FAM110B: variants seen among roughly 807,000 people sequenced by gnomAD.
The protein encoded by FAM110B is family with sequence similarity 110 member B.
A neutral mutation model predicts 20.4 loss-of-function variants in FAM110B; 6 were observed. That is an observed-to-expected ratio of 0.29 (90% CI 0.16 to 0.58). FAM110B has a LOEUF of 0.58. Among genes scored for constraint, FAM110B ranks in the 20% least tolerant of loss-of-function variants. FAM110B has a pLI of 0.90. For synonymous variants in FAM110B, 226 were observed against 214.1 expected (o/e 1.06, Z -0.49); for missense variants, 434 against 498.2 (o/e 0.87, Z 1.23).
At chr8:58,108,721 G>A (rs1806980378) in intron 3 of FAM110B, among the ~76,000 whole-genome samples, 3 of 152,196 alleles carry the variant, frequency 2.0e-5, no homozygotes, top group Admixed American at 1.3e-4. Context: ...CATATTCATG[G>A]GTTATGACTG....
intron 1 of FAM110B, among the ~76,000 whole-genome samples, chr8:58,028,248 C>A (rs558076210): frequency 1.1e-4 from 16 of 152,168 alleles, no homozygotes; most frequent in Non-Finnish European, 1.6e-4. Flanking sequence ...GGATTACAGG[C>A]GCCTGCCACC....
At chr8:58,068,465 C>T (rs1278139519) in intron 2 of FAM110B, among the ~76,000 whole-genome samples, 3 of 152,116 alleles carry the variant, frequency 2.0e-5, no homozygotes, top group African/African-American at 7.2e-5. Flanking sequence ...GTTTGTGGTA[C>T]ACAAAGATTG....
At chr8:58,035,404 CTTGGTATATTAGAGAA>C (rs1805057254) in intron 2 of FAM110B, among the ~76,000 whole-genome samples, 1 of 152,156 alleles carries the variant, frequency 6.6e-6, no homozygotes, top group Admixed American at 6.5e-5. Flanking sequence ...CATTTGAATC[CTTGGTATATTAGAGAA>C]TTTTCTTACC....
rs900035240 is a variant in FAM110B, at chr8:58,086,771, C to G, written c.-325+11148C>G. 3.3e-5 allele frequency among the ~76,000 whole-genome samples: 5 copies of G among 152,300 alleles called. No homozygotes were observed. The South Asian group carries it at 1.0e-3, about 32-fold the overall frequency. ...TGATGGATGGTGATGCTTTAAGGGT[C>G]CATTTCAATAGAGGTATATTTCCCC... is the stretch of plus-strand genomic sequence containing the variant. On this transcript the variant is annotated intron_variant, in intron 3 of 3. Transcript: ENST00000519262.
intron 2 of FAM110B, among the ~76,000 whole-genome samples, chr8:58,032,956 T>C (rs576955491): frequency 6.6e-6 from 1 of 152,360 alleles, no homozygotes; most frequent in Non-Finnish European, 1.5e-5. Context: ...TACAGGTTTG[T>C]TACATGAGTA....
At chr8:58,097,498 T>C (rs913085018) in intron 3 of FAM110B, among the ~76,000 whole-genome samples, 15 of 152,356 alleles carry the variant, frequency 9.8e-5, no homozygotes, top group Non-Finnish European at 1.9e-4. Flanking sequence ...CATGCTCCTT[T>C]AGCTTGGAGG....
intron 3 of FAM110B, among the ~76,000 whole-genome samples, chr8:58,075,873 C>T (rs1461128875): frequency 6.6e-6 from 1 of 152,234 alleles, no homozygotes; most frequent in East Asian, 1.9e-4. Context: ...ACACCTTCTA[C>T]ATATCAGCTA....
At chr8:58,049,851 A>G (rs1805404864) in intron 2 of FAM110B, among the ~76,000 whole-genome samples, 1 of 152,230 alleles carries the variant, frequency 6.6e-6, no homozygotes, top group African/African-American at 2.4e-5. Flanking sequence ...TTTTCTTGTA[A>G]TAATCTACTG....
intron 3 of FAM110B, among the ~76,000 whole-genome samples, chr8:58,078,243 A>G (rs2150594994): frequency 6.6e-6 from 1 of 152,328 alleles, no homozygotes; most frequent in Non-Finnish European, 1.5e-5. Flanking sequence ...TGTTTAAGGA[A>G]ACTAAAAGGC....
intron 2 of FAM110B, among the ~76,000 whole-genome samples, chr8:58,059,227 AAT>A (rs1238478841): frequency 6.6e-6 from 1 of 152,202 alleles, no homozygotes; most frequent in African/African-American, 2.4e-5. Flanking sequence ...GTACAGTTTG[AAT>A]AAAGTTGCTG....
chr8:58,026,329 A>G (rs1217374798), intron 1 of FAM110B, among the ~76,000 whole-genome samples: 1 of 147,102 alleles, frequency 6.8e-6, no homozygotes, highest in Non-Finnish European at 1.5e-5. Context: ...AAGGGCAAGG[A>G]CTCTTTTTTA....
chr8:58,096,723 G>A (rs572331888), intron 3 of FAM110B, among the ~76,000 whole-genome samples: 27 of 152,296 alleles, frequency 1.8e-4, no homozygotes, highest in African/African-American at 5.5e-4. Context: ...AGGAGCTCTT[G>A]TAAGGCAAGC....
At chr8:58,085,614 A>G (rs986092143) in intron 3 of FAM110B, among the ~76,000 whole-genome samples, 4 of 152,232 alleles carry the variant, frequency 2.6e-5, no homozygotes, top group African/African-American at 9.6e-5. Flanking sequence ...TGGGCCTGAA[A>G]AAGTTTCACA....
At chr8:58,126,034 C>G (rs1807494339) in intron 3 of FAM110B, among the ~76,000 whole-genome samples, 1 of 152,248 alleles carries the variant, frequency 6.6e-6, no homozygotes, top group Non-Finnish European at 1.5e-5. Context: ...AGATCCTATT[C>G]TGTACCACAG....
At chr8:58,112,133 G>T (rs2150619923) in intron 3 of FAM110B, among the ~76,000 whole-genome samples, 1 of 152,142 alleles carries the variant, frequency 6.6e-6, no homozygotes, top group African/African-American at 2.4e-5. Flanking sequence ...AGACTAGCCT[G>T]GCCAACATAT....
intron 2 of FAM110B, among the ~76,000 whole-genome samples, chr8:58,072,909 G>A (rs1294431458): frequency 2.6e-5 from 4 of 152,294 alleles, no homozygotes; most frequent in African/African-American, 7.2e-5. Flanking sequence ...AGAGAAATGG[G>A]TAGTGCATGA....
At chr8:58,118,489 G>T (rs933644122) in intron 3 of FAM110B, among the ~76,000 whole-genome samples, 1 of 152,158 alleles carries the variant, frequency 6.6e-6, no homozygotes, top group Non-Finnish European at 1.5e-5. Flanking sequence ...GAAGATTAGC[G>T]GTGGGAAGTT....
intron 3 of FAM110B, among the ~76,000 whole-genome samples, chr8:58,079,219 G>C (rs1392948714): frequency 6.6e-6 from 1 of 152,138 alleles, no homozygotes; most frequent in Non-Finnish European, 1.5e-5. Flanking sequence ...AGGAGAGTCG[G>C]CACGACAGTG....
At chr8:58,051,697 G>C (rs375929311) in intron 2 of FAM110B, among the ~76,000 whole-genome samples, 1 of 152,188 alleles carries the variant, frequency 6.6e-6, no homozygotes, top group Non-Finnish European at 1.5e-5. Flanking sequence ...TATGGAGGAA[G>C]ATAAAGCAGG....
Sources: gnomAD v4.1 joint callset for allele counts (sites outside exome capture counted in the v4.1 genomes callset) on GRCh38, gnomAD v4.1.1 for gene constraint, MANE v1.5 for transcripts, NCBI Gene and HGNC (gene_info 2026-07-23, HGNC 2026-07-21) for gene names.